The following MCF2 variants were observed in gnomAD, a reference collection of about 807,000 sequenced individuals.
MCF2 encodes the protein MCF.2 cell line derived transforming sequence, also known as proto-oncogene DBL.
Under a neutral mutation model 82.5 loss-of-function variants are expected in MCF2, and 44 were observed. That is an observed-to-expected ratio of 0.53 (90% confidence interval 0.42 to 0.69). The LOEUF (loss-of-function observed/expected upper bound fraction) is 0.69. Among genes scored for constraint, MCF2 ranks in the 30% least tolerant of loss-of-function variants. The probability of loss-of-function intolerance (pLI) is 0.00; values close to 1 mark genes in which losing one functional copy is unlikely to be tolerated. For missense variants in MCF2, 623 were observed against 663.1 expected (o/e 0.94, Z 0.66); for synonymous variants, 217 against 224.9 (o/e 0.96, Z 0.32).
At chrX:139,613,347 C>A in intron 10 of MCF2, 84 bp from the exon 14 acceptor site, 1 of 723,611 alleles carries the variant, frequency 1.4e-6, no homozygotes, top group Non-Finnish European at 2.1e-6. Flanking sequence ...TAATGAGTGA[C>A]TAATGACTTG....
intron 1 of MCF2, among the ~76,000 whole-genome samples, chrX:139,701,086 G>A (rs929681509): frequency 2.7e-5 from 3 of 111,899 alleles, no homozygotes; most frequent in Admixed American, 9.4e-5. Context: ...ACTTTTCAGG[G>A]GAAATTGAAG....
intron 2 of MCF2, among the ~76,000 whole-genome samples, chrX:139,650,717 G>A (rs762604796): frequency 6.3e-5 from 7 of 111,865 alleles, no homozygotes; most frequent in Non-Finnish European, 1.3e-4. Flanking sequence ...CCATAGTTAC[G>A]TCTCTAAAAA....
chrX:139,589,347 C>T (rs1051159304), intron 20 of MCF2, among the ~76,000 whole-genome samples: 8 of 112,032 alleles, frequency 7.1e-5, no homozygotes, highest in African/African-American at 2.6e-4. Context: ...ATTGCAATGA[C>T]AACATCCTCT....
chrX:139,692,142 C>T, intron 1 of MCF2: 1 of 1,138,027 alleles, frequency 8.8e-7, no homozygotes. Flanking sequence ...GGCCGCCCGC[C>T]TTGGCGAACC....
intron 1 of MCF2, among the ~76,000 whole-genome samples, chrX:139,654,275 T>C (rs1393397029): frequency 9.0e-6 from 1 of 111,604 alleles, no homozygotes; most frequent in African/African-American, 3.3e-5. Context: ...GTGCAAGAAT[T>C]CCCCTTTCCC....
chrX:139,667,015 A>G (rs760603792), intron 1 of MCF2, among the ~76,000 whole-genome samples: 1 of 110,646 alleles, frequency 9.0e-6, no homozygotes, highest in East Asian at 2.8e-4. Context: ...TTTCAAACGT[A>G]TTTTGTATTT....
intron 1 of MCF2, among the ~76,000 whole-genome samples, chrX:139,665,978 T>TAC (rs1160073877): frequency 7.1e-5 from 7 of 98,868 alleles, no homozygotes; most frequent in Non-Finnish European, 1.0e-4. Flanking sequence ...TACATATATA[T>TAC]ACACACACAC....
chrX:139,652,870 A>G (rs2148529417), intron 1 of MCF2, among the ~76,000 whole-genome samples: 1 of 109,109 alleles, frequency 9.2e-6, no homozygotes, highest in East Asian at 2.9e-4. Context: ...GACAATCCTC[A>G]AGGGAATTAA....
At chrX:139,590,262 G>A (rs1929384004) in intron 19 of MCF2, among the ~76,000 whole-genome samples, 1 of 110,757 alleles carries the variant, frequency 9.0e-6, no homozygotes, top group Non-Finnish European at 1.9e-5. Flanking sequence ...AAACACAGAA[G>A]TCATTAAACA....
At chrX:139,702,338 C>T in intron 1 of MCF2, 1 of 112,096 alleles carries the variant, frequency 8.9e-6, no homozygotes, top group East Asian at 2.8e-4. Context: ...GGAGGCACAT[C>T]TCACACATGT....
chrX:139,636,489 G>C (rs1454714046), intron 1 of MCF2, among the ~76,000 whole-genome samples: 1 of 111,050 alleles, frequency 9.0e-6, no homozygotes, highest in Admixed American at 9.6e-5. Context: ...GAATTATCTG[G>C]ATACAAGAAC....
At chrX:139,611,194 G>A (rs1417834730) in intron 10 of MCF2, among the ~76,000 whole-genome samples, 1 of 111,507 alleles carries the variant, frequency 9.0e-6, no homozygotes, top group Non-Finnish European at 1.9e-5. Flanking sequence ...TCCAGGAAAG[G>A]AACAAACCTT....
intron 1 of MCF2, among the ~76,000 whole-genome samples, chrX:139,706,693 C>T (rs1246976413): frequency 1.8e-5 from 2 of 109,480 alleles, no homozygotes; most frequent in East Asian, 2.8e-4. Flanking sequence ...TGCACATGTA[C>T]CCCCTTATCT....
chrX:139,598,510 A>G lies in MCF2; in HGVS notation c.1837-12T>C. On this transcript the variant is annotated splice_polypyrimidine_tract_variant and intron_variant, in intron 16 of 24. Transcript: ENST00000370576. The stretch of plus-strand genomic sequence containing the variant: ...TTTCTTTGACATTCCTGTCATTAAA[A>G]GATAAATATCAATAAAATTAAATTA... 2.0e-6 allele frequency: 2 copies of G among 984,835 alleles called. No individual in the cohort carries two copies. The highest frequency in any genetic ancestry group is 2.8e-6 in the Non-Finnish European group (2 of 721,985). The allele number at this position is 984,835 out of a possible 1,213,427, so 81.2% of individuals were successfully genotyped here.
chrX:139,595,977 A>G (rs1930055765), intron 19 of MCF2, among the ~76,000 whole-genome samples: 1 of 111,069 alleles, frequency 9.0e-6, no homozygotes, highest in Admixed American at 9.6e-5. Flanking sequence ...GAGAGAATAA[A>G]GTAATTTTGA....
At chrX:139,670,203 A>C (rs1934642301) in intron 1 of MCF2, among the ~76,000 whole-genome samples, 1 of 111,911 alleles carries the variant, frequency 8.9e-6, no homozygotes, top group South Asian at 3.8e-4. Context: ...AAAATACCAA[A>C]AACATAAGAA....
intron 6 of MCF2, among the ~76,000 whole-genome samples, chrX:139,622,566 T>A (rs1434804468): frequency 3.6e-5 from 4 of 111,228 alleles, no homozygotes; most frequent in Non-Finnish European, 5.7e-5. Context: ...TATGATGAGT[T>A]CATGTCCTTT....
At chrX:139,605,852 A>C in intron 12 of MCF2, 73 bp from the exon 17 acceptor site, 1 of 826,473 alleles carries the variant, frequency 1.2e-6, no homozygotes, top group South Asian at 2.8e-5. Flanking sequence ...AAGTATTATC[A>C]TCATGAGAAG....
intron 1 of MCF2, among the ~76,000 whole-genome samples, chrX:139,678,407 T>C (rs184289819): frequency 1.8e-5 from 2 of 111,134 alleles, no homozygotes; most frequent in African/African-American, 6.5e-5. Flanking sequence ...AACCTATGGG[T>C]AGGATAGACT....
Sources: allele counts gnomAD v4.1 joint callset (sites outside exome capture counted in the v4.1 genomes callset), GRCh38; gene constraint gnomAD v4.1.1; transcripts MANE v1.5; gene names NCBI Gene and HGNC (gene_info 2026-07-23, HGNC 2026-07-21).